MYO10: variants seen among roughly 807,000 people sequenced by gnomAD.
MYO10 encodes the protein myosin X, also known as unconventional myosin-X.
A neutral mutation model predicts 257.3 loss-of-function variants in MYO10; 133 were observed. The ratio of observed to expected loss-of-function variants is 0.52; its 90% CI spans 0.45 to 0.60. MYO10 has a LOEUF of 0.60. Among genes scored for constraint, MYO10 ranks in the 20% least tolerant of loss-of-function variants. The probability of loss-of-function intolerance (pLI) is 0.00; values close to 1 mark genes in which losing one functional copy is unlikely to be tolerated. For missense variants in MYO10, 2,399 were observed against 2,635.7 expected (o/e 0.91, Z 1.97); for synonymous variants, 1,104 against 1,028.6 (o/e 1.07, Z -1.40).
intron 2 of MYO10, among the ~76,000 whole-genome samples, chr5:16,876,695 C>T (rs1744614106): frequency 6.6e-6 from 1 of 152,126 alleles, no homozygotes; most frequent in Non-Finnish European, 1.5e-5. Flanking sequence ...GCTGGGATTA[C>T]AGGTGCCTGC....
intron 4 of MYO10, among the ~76,000 whole-genome samples, chr5:16,790,804 T>G (rs1741727337): frequency 1.3e-5 from 2 of 151,950 alleles, no homozygotes; most frequent in African/African-American, 4.8e-5. Flanking sequence ...ATACGGTGTA[T>G]GAAAAACTAG....
intron 17 of MYO10, among the ~76,000 whole-genome samples, chr5:16,760,070 A>G (rs997808521): frequency 2.0e-5 from 3 of 151,966 alleles, no homozygotes; most frequent in Admixed American, 2.0e-4. Flanking sequence ...TTTGTTACAG[A>G]TTCCCACCAG....
intron 3 of MYO10, among the ~76,000 whole-genome samples, chr5:16,811,151 G>A (rs1742427606): frequency 9.3e-6 from 1 of 107,928 alleles, no homozygotes; most frequent in Non-Finnish European, 2.0e-5. Context: ...TTCCAGGTGA[G>A]CTGATGGTAA....
In MYO10 at chr5:16,682,027, T is replaced by C. The variant is rs16868981; in HGVS notation, c.4047-14A>G. The stretch of plus-strand genomic sequence containing the variant: ...AACGAGTTGGGTCTGAGCCACAAGA[T>C]GAGAAGGAAACAAAGCCCCTTAGCC... On this transcript the variant is annotated splice_polypyrimidine_tract_variant and intron_variant, in intron 30 of 40. Coordinates refer to ENST00000513610, the MANE Select transcript of MYO10 (RefSeq NM_012334.3). The C allele has an allele frequency of 0.011, 18,324 of 1,611,594 alleles. 142 individuals are homozygous for C. The highest frequency in any genetic ancestry group is 0.032 in the African/African-American group (2,406 of 75,014).
At chr5:16,816,063 CG>C (rs1413684990) in intron 3 of MYO10, among the ~76,000 whole-genome samples, 2 of 147,040 alleles carry the variant, frequency 1.4e-5, no homozygotes, top group African/African-American at 5.0e-5. Context: ...AAAAAAAGGG[CG>C]GGGCACAGTG....
chr5:16,928,075 C>T (rs1483242499), intron 1 of MYO10, among the ~76,000 whole-genome samples: 1 of 152,168 alleles, frequency 6.6e-6, no homozygotes, highest in African/African-American at 2.4e-5. Flanking sequence ...TATCAAAAAA[C>T]CTCAAGTAAC....
intron 18 of MYO10, among the ~76,000 whole-genome samples, chr5:16,756,091 G>A (rs1012055652): frequency 6.6e-6 from 1 of 151,922 alleles, no homozygotes; most frequent in African/African-American, 2.4e-5. Flanking sequence ...TTATTTATTT[G>A]AGACAGGGTC....
At chr5:16,766,548 G>A (rs1449097095) in intron 10 of MYO10, among the ~76,000 whole-genome samples, 4 of 151,970 alleles carry the variant, frequency 2.6e-5, no homozygotes, top group Non-Finnish European at 5.9e-5. Context: ...TCCTGCCTCA[G>A]CCTCCCAAGC....
chr5:16,852,480 T>C (rs1743837906), intron 2 of MYO10, among the ~76,000 whole-genome samples: 1 of 151,670 alleles, frequency 6.6e-6, no homozygotes, highest in African/African-American at 2.4e-5. Context: ...TTAACTGACC[T>C]TTTTTTTGCC....
intron 29 of MYO10, among the ~76,000 whole-genome samples, chr5:16,684,148 A>G (rs1356931851): frequency 6.6e-6 from 1 of 152,210 alleles, no homozygotes. Context: ...TATTTTTTAA[A>G]ATTACAAGTT....
At chr5:16,772,120 T>G (rs1323268404) in intron 9 of MYO10, among the ~76,000 whole-genome samples, 1 of 151,946 alleles carries the variant, frequency 6.6e-6, no homozygotes, top group Non-Finnish European at 1.5e-5. Flanking sequence ...TAGTAAGTTA[T>G]ATGAATATTG....
Position 16,702,969 on chromosome 5 carries a change from C to T in MYO10, c.2466G>A (p.Lys822=), listed in dbSNP as rs1407016817. The T allele has an allele frequency of 6.4e-7, 1 of 1,551,956 alleles. No homozygotes were observed. The highest frequency in any genetic ancestry group is 2.4e-5 in the East Asian group (1 of 40,910). The change falls in exon 23 of 41, where the codon AAG becomes AAA. Residue 822 remains lysine, a synonymous_variant. Coordinates refer to ENST00000513610, the MANE Select transcript of MYO10 (RefSeq NM_012334.3). The stretch of plus-strand genomic sequence containing the variant: ...TCTTCTTTTCTTCCTCTTCCTGTTT[C>T]TTCTTTTCTTCTTGCTCCCTTTTCT... ...LAEKREQEEK[K]KQEEEEKKKR... is the part of the protein sequence containing the mutation.
chr5:16,672,708 C>T lies in MYO10; in HGVS notation c.5290G>A (p.Val1764Ile). 1.9e-6 allele frequency: 3 copies of T among 1,614,030 alleles called. No homozygotes were observed. Among genetic ancestry groups the T allele is most frequent in the Non-Finnish European group, 2.5e-6 (3 of 1,179,892 alleles). Residue 1764 changes from valine (V) to isoleucine (I), a missense_variant, in exon 37 of 41, where the codon GTC (valine) becomes ATC (isoleucine). Val to Ile is a conservative substitution (Grantham distance 29). Around this residue, in one of 3 missense-constraint regions of MYO10, gnomAD observed 1,820 missense variants for 1,939.4 expected, o/e 0.94. Transcript: ENST00000513610. ...AIESRTVVAD[V>I]LAKFEKLAAT... ...ACCTACTTTTCAAACTTGGCTAAGA[C>T]ATCAGCTACGACGGTTCGACTTTCA...
chr5:16,788,941 A>G (rs1038928706), intron 4 of MYO10, among the ~76,000 whole-genome samples: 1 of 152,186 alleles, frequency 6.6e-6, no homozygotes, highest in Non-Finnish European at 1.5e-5. Flanking sequence ...ATCCAGGGCA[A>G]GGAGGCTCAG....
At chr5:16,911,588 T>C (rs1437874853) in intron 1 of MYO10, among the ~76,000 whole-genome samples, 5 of 151,824 alleles carry the variant, frequency 3.3e-5, no homozygotes, top group Admixed American at 1.3e-4. Context: ...AAAAATTAGC[T>C]GGGTATTGTG....
chr5:16,933,882 T>C (rs1255909853), intron 1 of MYO10, among the ~76,000 whole-genome samples: 1 of 152,164 alleles, frequency 6.6e-6, no homozygotes, highest in African/African-American at 2.4e-5. Flanking sequence ...AGATTAAAAG[T>C]ATAACCTTAA....
intron 19 of MYO10, among the ~76,000 whole-genome samples, chr5:16,711,554 C>A (rs922568237): frequency 1.6e-4 from 25 of 152,262 alleles, no homozygotes; most frequent in Non-Finnish European, 1.5e-4. Flanking sequence ...GAGGCCGAGG[C>A]GGGTGGATCA....
At chr5:16,670,999 G>A (rs777790397) in intron 38 of MYO10, 21 bp from the exon 39 acceptor site, 3 of 1,587,286 alleles carry the variant, frequency 1.9e-6, no homozygotes, top group East Asian at 4.5e-5. Flanking sequence ...ACAGTCAACA[G>A]CTTTCCGGTC....
chr5:16,890,230 C>A (rs1745012026), intron 1 of MYO10, among the ~76,000 whole-genome samples: 1 of 151,780 alleles, frequency 6.6e-6, no homozygotes, highest in African/African-American at 2.4e-5. Context: ...CAAAATGACA[C>A]ATAATGTGTT....
Sources: allele counts gnomAD v4.1 joint callset (sites outside exome capture counted in the v4.1 genomes callset), GRCh38; gene constraint gnomAD v4.1.1; regional missense constraint gnomAD v4.1.1; transcripts MANE v1.5; gene names NCBI Gene and HGNC (gene_info 2026-07-23, HGNC 2026-07-21).